Variants in PTPN13 observed in about 807,000 individuals in gnomAD.
PTPN13 encodes protein tyrosine phosphatase non-receptor type 13.
In PTPN13, 191 loss-of-function variants were observed where a neutral mutation model predicts 284.0. The ratio of observed to expected loss-of-function variants is 0.67; its 90% CI spans 0.60 to 0.76. The LOEUF is 0.76. Ranked by LOEUF, PTPN13 falls within the 30% of genes least tolerant of loss-of-function variation. PTPN13 has a pLI of 0.00. For missense variants in PTPN13, 2,797 were observed against 2,939.9 expected (o/e 0.95, Z 1.12); for synonymous variants, 986 against 1,022.3 (o/e 0.96, Z 0.68).
chr4:86,765,511 G>A, intron 26 of PTPN13, 23 bp downstream of exon 26: 3 of 1,467,652 alleles, frequency 2.0e-6, no homozygotes, highest in Admixed American at 2.0e-5. Flanking sequence ...TATTATGTGG[G>A]AATTATATGT....
intron 1 of PTPN13, among the ~76,000 whole-genome samples, chr4:86,622,829 G>A (rs1192516718): frequency 6.6e-6 from 1 of 152,050 alleles, no homozygotes; most frequent in African/African-American, 2.4e-5. Flanking sequence ...TATGCCCACC[G>A]CATATATTCA....
chr4:86,727,808 A>G lies in PTPN13; in HGVS notation c.1609-4592A>G, dbSNP rs547324330. On this transcript the variant is annotated intron_variant, in intron 10 of 47. Coordinates refer to ENST00000411767, the MANE Select transcript of PTPN13 (RefSeq NM_080683.3). ...TTTTTGAAGGGTTTTTTCTGTCTCTATCTCCTTCAGTTCTGCTCTGATCTT... is the reference window on the plus strand; with the variant it reads ...TTTTTGAAGGGTTTTTTCTGTCTCTGTCTCCTTCAGTTCTGCTCTGATCTT... 4.1e-5 allele frequency among the ~76,000 whole-genome samples: 6 copies of G among 147,346 alleles called. 1 individual carries two copies. The highest frequency in any genetic ancestry group is 7.6e-5 in the Non-Finnish European group (5 of 65,744).
At chr4:86,775,137 G>T (rs750192419) in intron 33 of PTPN13, 34 bp from the exon 34 acceptor site, 2 of 1,487,520 alleles carry the variant, frequency 1.3e-6, no homozygotes, top group Non-Finnish European at 1.8e-6. Flanking sequence ...TCTAAAAATT[G>T]TGATCTTCAC....
chr4:86,765,473 G>A lies in PTPN13; in HGVS notation c.4228G>A (p.Gly1410Ser). 6.3e-7 allele frequency: 1 copy of A among 1,586,848 alleles called. No homozygotes were observed. The highest frequency in any genetic ancestry group is 8.6e-7 in the Non-Finnish European group (1 of 1,165,246). ...VIPQGAAESDGRIHKGDRVLA... is the reference protein window; with the variant it reads ...VIPQGAAESDSRIHKGDRVLA... The stretch of plus-strand genomic sequence containing the variant: ...TCCCCAGGGAGCAGCAGAGTCTGAT[G>A]GTAGAATTCACAAAGGTATAGTGTT... Residue 1410 changes from glycine (G) to serine (S), a missense_variant, in exon 26 of 48, where the codon GGT becomes AGT. Gly to Ser is a moderately conservative substitution (Grantham distance 56). Transcript: ENST00000411767.
chr4:86,774,297 G>A (rs1213652755), intron 32 of PTPN13, 76 bp from the exon 33 acceptor site: 3 of 1,390,690 alleles, frequency 2.2e-6, no homozygotes, highest in Middle Eastern at 2.3e-4. Flanking sequence ...TCTGTTAAGG[G>A]AAATGATAGT....
chr4:86,710,055 A>C (rs1399955779), intron 7 of PTPN13, among the ~76,000 whole-genome samples: 1 of 152,212 alleles, frequency 6.6e-6, no homozygotes, highest in Non-Finnish European at 1.5e-5. Flanking sequence ...ACTAATAAAC[A>C]CAAAAGGTAC....
Position 86,762,918 on chromosome 4 carries a change from TC to T in PTPN13, c.3747del (p.Arg1250GlyfsTer20). ...GGAAGGAAGCCTGAGTTCTCAAGAT[TC>T]CAGGACTGAGAGTGCCAGCTTGTCT... is the stretch of plus-strand genomic sequence containing the variant. ...LREGSLSSQD[S>X]RTESASLSQS... On this transcript the variant is annotated frameshift_variant, in exon 24 of 48. Transcript: ENST00000411767. LOFTEE classifies it high-confidence loss of function. 6.2e-7 allele frequency: 1 copy of T among 1,613,836 alleles called. No individual in the cohort carries two copies. Among genetic ancestry groups the T allele is most frequent in the Admixed American group, 1.7e-5 (1 of 59,996 alleles).
At chr4:86,808,493 AGATGT>A (rs945964746) in intron 45 of PTPN13, among the ~76,000 whole-genome samples, 29 of 152,336 alleles carry the variant, frequency 1.9e-4, no homozygotes, top group Middle Eastern at 3.4e-3. Context: ...TATCCTAGCT[AGATGT>A]GAGTAATGTT....
intron 2 of PTPN13, among the ~76,000 whole-genome samples, chr4:86,656,316 C>G (rs1318008039): frequency 6.6e-6 from 1 of 152,218 alleles, no homozygotes; most frequent in Non-Finnish European, 1.5e-5. Flanking sequence ...GGGAGAGGCC[C>G]TCTGGTTTTT....
intron 26 of PTPN13, 135 bp downstream of exon 26, chr4:86,765,623 T>A: frequency 1.7e-6 from 1 of 605,088 alleles, no homozygotes; most frequent in Non-Finnish European, 2.7e-6. Flanking sequence ...ACTGTAGCAT[T>A]AAGAAACTCT....
In PTPN13 at chr4:86,774,389, T is replaced by A; in HGVS notation, c.5366T>A (p.Ile1789Asn). 1 of 1,606,696 alleles carries A rather than the reference T, an allele frequency of 6.2e-7. No individual in the cohort carries two copies. The highest frequency in any genetic ancestry group is 8.5e-7 in the Non-Finnish European group (1 of 1,176,282). Residue 1789 changes from isoleucine (I) to asparagine (N), a missense_variant, in exon 33 of 48, where the codon ATT becomes AAT. By Grantham distance (149) the Ile-to-Asn change is moderately radical. Transcript: ENST00000411767. ...TTCCCTTAGGAAGTAGAACTCCTCATTACCCTAATTAAATCAGAAAAAGGA... is the reference window on the plus strand; with the variant it reads ...TTCCCTTAGGAAGTAGAACTCCTCAATACCCTAATTAAATCAGAAAAAGGA... ...EDFELEVELLITLIKSEKGSL... is the reference protein window; with the variant it reads ...EDFELEVELLNTLIKSEKGSL...
chr4:86,739,195 A>G (rs1735872192), intron 15 of PTPN13, among the ~76,000 whole-genome samples: 1 of 152,024 alleles, frequency 6.6e-6, no homozygotes, highest in African/African-American at 2.4e-5. Flanking sequence ...GTTGAAATTC[A>G]TTTTTTTAGC....
chr4:86,624,242 A>G (rs534117434), intron 1 of PTPN13, among the ~76,000 whole-genome samples: 2 of 151,704 alleles, frequency 1.3e-5, no homozygotes, highest in East Asian at 3.9e-4. Context: ...ACAACTCTCA[A>G]CTCTCTTTCT....
chr4:86,763,904 G>A (rs1738988992), intron 24 of PTPN13, among the ~76,000 whole-genome samples: 1 of 152,050 alleles, frequency 6.6e-6, no homozygotes, highest in African/African-American at 2.4e-5. Context: ...GAGGGAGAGA[G>A]ATAAGGAAGG....
chr4:86,617,120 G>A (rs939916117), intron 1 of PTPN13, among the ~76,000 whole-genome samples: 1 of 152,140 alleles, frequency 6.6e-6, no homozygotes, highest in Non-Finnish European at 1.5e-5. Flanking sequence ...AGACTACTGA[G>A]GGACAAGAGA....
intron 40 of PTPN13, among the ~76,000 whole-genome samples, chr4:86,795,045 A>G (rs9884860): frequency 0.098 from 14,940 of 152,282 alleles, 856 homozygotes; most frequent in Non-Finnish European, 0.11. Context: ...AAAATTGACA[A>G]ATGGGATCTA....
rs532342748 is a variant in PTPN13 at position 86,725,248 on chromosome 4, C to T, written c.1608+2814C>T. On this transcript the variant is annotated intron_variant, in intron 10 of 47. Coordinates refer to ENST00000411767, the MANE Select transcript of PTPN13 (RefSeq NM_080683.3). The stretch of plus-strand genomic sequence containing the variant: ...GACATTTGGGTTGGTTTCATGTCTT[C>T]GCTATTGTGAACAGTGCTGCAATAA... Among the ~76,000 whole-genome samples the T allele has an allele frequency of 8.1e-4, 114 of 141,214 alleles. 8 individuals carry two copies. The highest frequency in any genetic ancestry group is 3.5e-3 in the Middle Eastern group (1 of 284). 92.6% of individuals were successfully genotyped at this position (141,214 alleles called of 152,430 possible). A position where few individuals can be genotyped will look rare whatever the true frequency, so the allele number is the denominator to read the frequency against.
At chr4:86,757,584 A>G (rs888061751) in intron 20 of PTPN13, among the ~76,000 whole-genome samples, 12 of 151,978 alleles carry the variant, frequency 7.9e-5, no homozygotes, top group African/African-American at 2.9e-4. Flanking sequence ...AGTCTGGGCA[A>G]CATAGACTCC....
chr4:86,765,131 T>G (rs1405937810), intron 25 of PTPN13, among the ~76,000 whole-genome samples: 8 of 152,372 alleles, frequency 5.3e-5, no homozygotes, highest in East Asian at 3.9e-4. Flanking sequence ...AACATGTTAG[T>G]ATCTTAAAAT....
Sources: gnomAD v4.1 joint callset for allele counts (sites outside exome capture counted in the v4.1 genomes callset) on GRCh38, gnomAD v4.1.1 for gene constraint, MANE v1.5 for transcripts, NCBI Gene and HGNC (gene_info 2026-07-23, HGNC 2026-07-21) for gene names.